TMEM67: variants seen among roughly 807,000 people sequenced by gnomAD.
The protein encoded by TMEM67 is transmembrane protein 67.
In TMEM67, 124 loss-of-function variants were observed where a neutral mutation model predicts 136.6. The ratio of observed to expected loss-of-function variants is 0.91; its 90% CI spans 0.78 to 1.05. TMEM67 has a LOEUF of 1.05. Ranked by LOEUF, TMEM67 falls within the 50% of genes least tolerant of loss-of-function variation. The probability of loss-of-function intolerance (pLI) is 0.00; values close to 1 mark genes in which losing one functional copy is unlikely to be tolerated. For missense variants in TMEM67, 1,107 were observed against 1,178.4 expected, an observed-to-expected ratio of 0.94 and a Z score of 0.89; for synonymous variants, 364 against 390.5, an observed-to-expected ratio of 0.93 and a Z score of 0.80.
chr8:93,797,595 A>C lies in TMEM67; in HGVS notation c.2100+125A>C. 2 of 958,148 alleles carry C rather than the reference A, an allele frequency of 2.1e-6. 1 individual carries two copies. The highest frequency in any genetic ancestry group is 3.0e-5 in the South Asian group (2 of 65,790). The allele number at this position is 958,148 out of a possible 1,614,324, so 59.4% of individuals were successfully genotyped here. On this transcript the variant is annotated intron_variant, in intron 20 of 27. Transcript: ENST00000453321. ...TCTAAAGGTTGAAATATTGTTGTGA[A>C]GCCATTAAAAAGGAGTACCTTTATG...
downstream of TMEM67, among the ~76,000 whole-genome samples, chr8:93,822,525 T>C (rs570289515): frequency 2.0e-5 from 3 of 152,266 alleles, no homozygotes; most frequent in African/African-American, 7.2e-5. Context: ...AGTAACCTTT[T>C]CAGGACCAGG....
chr8:93,829,959 T>A, the TMEM67 span, among the ~76,000 whole-genome samples: 1 of 152,166 alleles, frequency 6.6e-6, no homozygotes, highest in African/African-American at 2.4e-5. Flanking sequence ...ATAAATTCCC[T>A]GAGCTACCTT....
intron 6 of TMEM67, among the ~76,000 whole-genome samples, chr8:93,767,234 T>C (rs1427034384): frequency 1.3e-5 from 2 of 152,232 alleles, no homozygotes; most frequent in African/African-American, 2.4e-5. Flanking sequence ...ACAAAAAAGA[T>C]GTCATGTTCT....
At chr8:93,789,572 G>A (rs898158268) in intron 14 of TMEM67, among the ~76,000 whole-genome samples, 1 of 151,402 alleles carries the variant, frequency 6.6e-6, no homozygotes, top group Admixed American at 6.6e-5. Context: ...TTGAACCCAA[G>A]AGGCGGAGGT....
intron 23 of TMEM67, among the ~76,000 whole-genome samples, chr8:93,808,357 G>A (rs1808505564): frequency 1.0e-5 from 1 of 96,288 alleles, no homozygotes; most frequent in South Asian, 3.3e-4. Context: ...ATTTATTATA[G>A]ATATATATTT....
chr8:93,773,544 A>AC (rs1813412148), intron 7 of TMEM67, among the ~76,000 whole-genome samples: 2 of 152,200 alleles, frequency 1.3e-5, no homozygotes, highest in African/African-American at 4.8e-5. Context: ...AGAAGCATTT[A>AC]CCTTCAGCTA....
chr8:93,790,585 T>G (rs1300171146), intron 14 of TMEM67, among the ~76,000 whole-genome samples: 2 of 152,260 alleles, frequency 1.3e-5, no homozygotes, highest in East Asian at 3.8e-4. Flanking sequence ...ATATCTCTTC[T>G]TCATTTCCCA....
At chr8:93,815,782 G>A (rs190939705) in intron 27 of TMEM67, among the ~76,000 whole-genome samples, 1 of 152,256 alleles carries the variant, frequency 6.6e-6, no homozygotes, top group African/African-American at 2.4e-5. Context: ...CAGACGTTAA[G>A]TAACAAAAAA....
At position 93,812,879 on chromosome 8, in the gene TMEM67, G is replaced by A. The variant is rs545679583; in HGVS notation, c.2765-2426G>A. Among the ~76,000 whole-genome samples, 4 of 152,190 alleles carry A rather than the reference G, an allele frequency of 2.6e-5. No individual in the cohort carries two copies. In the East Asian group the frequency reaches 7.8e-4, roughly 30 times the overall value. On this transcript the variant is annotated intron_variant, in intron 26 of 27. Transcript: ENST00000453321. ...AGCCTCCCAGGTGCTGGGATTACAG[G>A]CGTGTGCCACCACACCTGGGTAATT...
chr8:93,758,635 T>A (rs1039012012), intron 3 of TMEM67, 59 bp downstream of exon 3: 4 of 1,434,456 alleles, frequency 2.8e-6, no homozygotes, highest in Non-Finnish European at 3.9e-6. Context: ...GTTTTTGTTT[T>A]TATTTGAAAA....
Position 93,780,882 on chromosome 8 carries a change from A to G in TMEM67, c.878A>G (p.Asn293Ser). ...TVHSISFWRQNLPWLFYGDQL... is the reference protein window; with the variant it reads ...TVHSISFWRQSLPWLFYGDQL... ...GTTGTAACTGTTTATAGGAGACAGA[A>G]TCTTCCTTGGCTGTTTTATGGAGAC... The change falls in exon 9 of 28, where the codon AAT becomes AGT. Residue 293 changes from asparagine (N) to serine (S), a missense_variant. Physicochemically the swap from Asn to Ser is conservative, Grantham distance 46. This residue lies in a region of TMEM67 where 925 missense variants were observed against 1,002.4 expected (regional missense o/e 0.92). Coordinates refer to ENST00000453321, the MANE Select transcript of TMEM67 (RefSeq NM_153704.6). 6.2e-7 allele frequency: 1 copy of G among 1,611,334 alleles called. No individual in the cohort carries two copies. The highest frequency in any genetic ancestry group is 2.2e-5 in the East Asian group (1 of 44,804).
Position 93,755,062 on chromosome 8 carries a change from G to C in TMEM67, c.148G>C (p.Asp50His), listed in dbSNP as rs144253777. ...SFPFQQPEKC[D>H]NNQYFDISAL... ...CCCTTTCCAGCAGCCGGAGAAGTGCGACAACAACCAGTACTTTGATATCTC... is the reference window on the plus strand; with the variant it reads ...CCCTTTCCAGCAGCCGGAGAAGTGCCACAACAACCAGTACTTTGATATCTC... Residue 50 changes from aspartate (D) to histidine (H), a missense_variant, in exon 1 of 28, where the codon GAC becomes CAC. Asp to His is a moderately conservative substitution (Grantham distance 81). This residue lies in a region of TMEM67 where 178 missense variants were observed against 159.2 expected (regional missense o/e 1.12). Transcript: ENST00000453321. 2 of 1,614,040 alleles carry C rather than the reference G, an allele frequency of 1.2e-6. No individual in the cohort carries two copies. Among genetic ancestry groups the C allele is most frequent in the Admixed American group, 1.7e-5 (1 of 59,996 alleles).
At chr8:93,810,645 T>C (rs973302137) in intron 26 of TMEM67, among the ~76,000 whole-genome samples, 5 of 152,184 alleles carry the variant, frequency 3.3e-5, no homozygotes, top group Non-Finnish European at 7.3e-5. Context: ...ACCTCATGAA[T>C]TCTTTTCTGT....
chr8:93,817,754 C>A lies in TMEM67; in HGVS notation c.*1302C>A, dbSNP rs1808962339. ...TTGGGGCAGAGGTCCCAGCCATTGCCAAAGTTGAATCTTTTACATTTCCCT... is the reference window on the plus strand; with the variant it reads ...TTGGGGCAGAGGTCCCAGCCATTGCAAAAGTTGAATCTTTTACATTTCCCT... On this transcript the variant is annotated 3_prime_UTR_variant, in exon 28 of 28. Coordinates refer to ENST00000453321, the MANE Select transcript of TMEM67 (RefSeq NM_153704.6). 1 of 152,116 alleles carries A rather than the reference C, an allele frequency of 6.6e-6. No individual in the cohort carries two copies. Among genetic ancestry groups the A allele is most frequent in the African/African-American group, 2.4e-5 (1 of 41,408 alleles). The allele number at this position is 152,116 out of a possible 1,614,324, so 9.4% of individuals were successfully genotyped here.
intron 6 of TMEM67, among the ~76,000 whole-genome samples, chr8:93,766,110 T>G (rs940552498): frequency 2.6e-5 from 4 of 152,020 alleles, no homozygotes; most frequent in Admixed American, 2.0e-4. Flanking sequence ...TTTGGCCAGA[T>G]TTTTCCTTTT....
intron 7 of TMEM67, among the ~76,000 whole-genome samples, chr8:93,780,232 G>T (rs1266515843): frequency 6.6e-6 from 1 of 152,010 alleles, no homozygotes; most frequent in Admixed American, 6.6e-5. Flanking sequence ...GAAAAGCGCA[G>T]TGTTTAGGTG....
At chr8:93,818,998 G>T (rs1027299713), downstream of TMEM67, 10 of 427,654 alleles carry the variant, frequency 2.3e-5, no homozygotes, top group Admixed American at 2.9e-4. Context: ...AGAGACAAGG[G>T]TTCACCATGT....
chr8:93,772,717 A>T (rs1182243790), intron 7 of TMEM67, 66 bp downstream of exon 7: 2 of 1,265,516 alleles, frequency 1.6e-6, no homozygotes, highest in East Asian at 2.5e-5. Flanking sequence ...ATTTACCCAG[A>T]TAATAAAAGT....
intron 26 of TMEM67, 99 bp from the exon 27 acceptor site, chr8:93,815,206 G>A (rs2130799212): frequency 1.4e-6 from 1 of 738,430 alleles, no homozygotes; most frequent in Non-Finnish European, 2.2e-6. Context: ...TGTTTCTAAT[G>A]TGCTGTTTTT....
Sources: gnomAD v4.1 joint callset for allele counts (sites outside exome capture counted in the v4.1 genomes callset) on GRCh38, gnomAD v4.1.1 for gene constraint, gnomAD v4.1.1 regional missense constraint, MANE v1.5 for transcripts, NCBI Gene and HGNC (gene_info 2026-07-23, HGNC 2026-07-21) for gene names.